CCNG1: variants seen among roughly 807,000 people sequenced by gnomAD.
CCNG1 encodes the protein cyclin G1.
CCNG1 carries 13 observed loss-of-function variants against 30.0 expected under a neutral mutation model. The observed-to-expected ratio is 0.43, with a 90% CI of 0.28 to 0.69. The LOEUF (loss-of-function observed/expected upper bound fraction) is 0.69. Among genes scored for constraint, CCNG1 ranks in the 30% least tolerant of loss-of-function variants. CCNG1 has a pLI of 0.16. For synonymous variants in CCNG1, 110 were observed against 121.5 expected (o/e 0.91, Z 0.62); for missense variants, 285 against 331.4 (o/e 0.86, Z 1.09).
At chr5:163,438,439 T>G (rs894256540) in intron 1 of CCNG1, among the ~76,000 whole-genome samples, 2 of 152,224 alleles carry the variant, frequency 1.3e-5, no homozygotes, top group Non-Finnish European at 2.9e-5. Flanking sequence ...AGCTCATTAT[T>G]ATTGTTCAGT....
downstream of CCNG1, chr5:163,447,839 C>T (rs993427954): frequency 5.3e-5 from 8 of 152,160 alleles, no homozygotes; most frequent in Non-Finnish European, 1.2e-4. Context: ...CTAAATAACT[C>T]ATGATACTAC....
chr5:163,457,070 T>C, the CCNG1 span: 3 of 1,599,544 alleles, frequency 1.9e-6, no homozygotes, highest in African/African-American at 2.7e-5. Context: ...TACGAACCAT[T>C]TTTCTGTCCT....
downstream of CCNG1, chr5:163,448,773 A>T (rs909104524): frequency 2.0e-5 from 3 of 152,250 alleles, no homozygotes; most frequent in African/African-American, 7.2e-5. Flanking sequence ...ATGTACCATG[A>T]CCAAGTTTGG....
At chr5:163,453,903 A>C in the CCNG1 span, 1 of 823,900 alleles carries the variant, frequency 1.2e-6, no homozygotes, top group South Asian at 2.4e-5. Flanking sequence ...CCATTACATA[A>C]TCTGTTTATC....
the CCNG1 span, chr5:163,457,181 G>C: frequency 8.1e-7 from 1 of 1,240,642 alleles, no homozygotes; most frequent in Non-Finnish European, 1.1e-6. Context: ...ACCCAGGCTG[G>C]AGTGCAGCGG....
In CCNG1 at chr5:163,439,469, G is replaced by A. The variant is rs1385907544; in HGVS notation, c.213G>A (p.Glu71=). ...CTCAGTTCTTTGGCTTTGACACAGA[G>A]ACATTTTCTCTAGCTGTGAATTTAC... is the stretch of plus-strand genomic sequence containing the variant. The part of the protein sequence containing the change: ...SLTQFFGFDT[E]TFSLAVNLLD... The change falls in exon 2 of 7, where the codon GAG becomes GAA. Residue 71 remains glutamate, a synonymous_variant. Transcript: ENST00000340828. 6.2e-7 allele frequency: 1 copy of A among 1,613,806 alleles called. No homozygotes were observed. Among genetic ancestry groups the A allele is most frequent in the Non-Finnish European group, 8.5e-7 (1 of 1,179,818 alleles).
chr5:163,440,833 A>G (rs570294769), intron 2 of CCNG1, among the ~76,000 whole-genome samples: 1 of 152,174 alleles, frequency 6.6e-6, no homozygotes, highest in African/African-American at 2.4e-5. Flanking sequence ...CACTTTTTCT[A>G]TGCTGAGCCA....
the CCNG1 span, among the ~76,000 whole-genome samples, chr5:163,454,707 G>T: frequency 6.6e-6 from 1 of 152,168 alleles, no homozygotes; most frequent in Non-Finnish European, 1.5e-5. Context: ...ACATATATAA[G>T]ATATTTAACC....
rs762534597 is a variant in CCNG1, at chr5:163,442,036, C to T, written c.598-9C>T. On this transcript the variant is annotated splice_polypyrimidine_tract_variant and intron_variant, in intron 4 of 6. Coordinates refer to ENST00000340828, the MANE Select transcript of CCNG1 (RefSeq NM_004060.4). ...TATTTGGCATTTACTTTAAATTTATCTCTTTTAGCCTTCTGTGTTGGCATT... is the reference window on the plus strand; with the variant it reads ...TATTTGGCATTTACTTTAAATTTATTTCTTTTAGCCTTCTGTGTTGGCATT... 42 of 1,604,858 alleles carry T rather than the reference C, an allele frequency of 2.6e-5. No homozygotes were observed. Among genetic ancestry groups the T allele is most frequent in the Non-Finnish European group, 3.3e-5 (39 of 1,172,768 alleles).
At chr5:163,455,917 G>T in the CCNG1 span, among the ~76,000 whole-genome samples, 1 of 152,106 alleles carries the variant, frequency 6.6e-6, no homozygotes, top group African/African-American at 2.4e-5. Context: ...ATATTTCGAA[G>T]GTAGCATCAG....
At chr5:163,456,875 TTGA>T in the CCNG1 span, 6 of 1,152,856 alleles carry the variant, frequency 5.2e-6, no homozygotes, top group Non-Finnish European at 7.0e-6. Flanking sequence ...AAATATTTAT[TTGA>T]TGATTTTTAT....
At chr5:163,452,466 T>C in the CCNG1 span, 1 of 152,138 alleles carries the variant, frequency 6.6e-6, no homozygotes, top group Non-Finnish European at 1.5e-5. Context: ...CAGCCAAATG[T>C]ACAATAATTT....
rs751747655 is a variant in CCNG1 at position 163,443,742 on chromosome 5, G to A, written c.*72G>A. On this transcript the variant is annotated 3_prime_UTR_variant, in exon 7 of 7. Coordinates refer to ENST00000340828, the MANE Select transcript of CCNG1 (RefSeq NM_004060.4). ...AACCTTGTTCTATGGATTCCATAAT[G>A]TTACAATGGATTTAAGCTATGAAGC... 6.6e-7 allele frequency: 1 copy of A among 1,518,920 alleles called. No individual in the cohort carries two copies. The highest frequency in any genetic ancestry group is 1.2e-5 in the South Asian group (1 of 82,904). The allele number at this position is 1,518,920 out of a possible 1,614,324, so 94.1% of individuals were successfully genotyped here.
At chr5:163,445,657 T>C (rs1453580082), downstream of CCNG1, among the ~76,000 whole-genome samples, 1 of 139,632 alleles carries the variant, frequency 7.2e-6, no homozygotes, top group African/African-American at 2.7e-5. Flanking sequence ...GTGTTGTCAC[T>C]GTGTTGCCCA....
At chr5:163,454,512 T>C in the CCNG1 span, among the ~76,000 whole-genome samples, 1 of 152,150 alleles carries the variant, frequency 6.6e-6, no homozygotes, top group African/African-American at 2.4e-5. Context: ...TGGCTAATTT[T>C]GTATTTTTAG....
At chr5:163,448,377 G>T (rs116753332), downstream of CCNG1, 66 of 152,144 alleles carry the variant, frequency 4.3e-4, no homozygotes, top group African/African-American at 1.6e-3. Context: ...AAAGATAACA[G>T]TATAGATCCT....
the CCNG1 span, chr5:163,454,031 C>A: frequency 6.4e-7 from 1 of 1,553,850 alleles, no homozygotes; most frequent in Non-Finnish European, 8.7e-7. Context: ...TTCTGCTCCA[C>A]TGAAGTCAAA....
At chr5:163,440,470 A>C (rs934865865) in intron 2 of CCNG1, among the ~76,000 whole-genome samples, 2 of 152,232 alleles carry the variant, frequency 1.3e-5, no homozygotes, top group Non-Finnish European at 2.9e-5. Context: ...GAGAGAGCAC[A>C]GAGATATTAA....
downstream of CCNG1, chr5:163,447,279 C>A: frequency 6.6e-6 from 1 of 152,306 alleles, no homozygotes; most frequent in South Asian, 2.0e-4. Context: ...TAGGGAGACC[C>A]TATCTCTACA....
Sources: gnomAD v4.1 joint callset for allele counts (sites outside exome capture counted in the v4.1 genomes callset) on GRCh38, gnomAD v4.1.1 for gene constraint, MANE v1.5 for transcripts, NCBI Gene and HGNC (gene_info 2026-07-23, HGNC 2026-07-21) for gene names.